Variants in GRID1 observed in about 807,000 individuals in gnomAD.
GRID1 encodes glutamate ionotropic receptor delta type subunit 1.
Under a neutral mutation model 98.0 loss-of-function variants are expected in GRID1, and 28 were observed. The observed-to-expected ratio is 0.29, with a 90% confidence interval of 0.21 to 0.39. GRID1 has a LOEUF of 0.39. Among genes scored for constraint, GRID1 ranks in the 10% least tolerant of loss-of-function variants. The pLI is 1.00. For synonymous variants in GRID1, 553 were observed against 538.5 expected, an observed-to-expected ratio of 1.03 and a Z score of -0.37; for missense variants, 1,111 against 1,340.5, an observed-to-expected ratio of 0.83 and a Z score of 2.67.
At chr10:86,199,652 C>G (rs1845920751) in intron 3 of GRID1, among the ~76,000 whole-genome samples, 1 of 152,154 alleles carries the variant, frequency 6.6e-6, no homozygotes, top group South Asian at 2.1e-4. Context: ...GGGCACCCAG[C>G]ATGAAGCAAG....
intron 5 of GRID1, among the ~76,000 whole-genome samples, chr10:85,897,516 C>A (rs1311789217): frequency 6.6e-5 from 10 of 152,320 alleles, no homozygotes; most frequent in Admixed American, 6.5e-4. Flanking sequence ...TGGGGTCTCT[C>A]ATGCTCGGAA....
intron 3 of GRID1, among the ~76,000 whole-genome samples, chr10:86,148,083 A>G (rs1589387982): frequency 6.6e-6 from 1 of 152,366 alleles, no homozygotes; most frequent in South Asian, 2.1e-4. Flanking sequence ...ATCTGCAAGT[A>G]TAACAAACAG....
At chr10:86,312,571 G>T (rs1200078877) in intron 2 of GRID1, among the ~76,000 whole-genome samples, 1 of 152,266 alleles carries the variant, frequency 6.6e-6, no homozygotes, top group Non-Finnish European at 1.5e-5. Context: ...ATAGGAAGCA[G>T]TGGGTGCCAT....
intron 4 of GRID1, among the ~76,000 whole-genome samples, chr10:86,104,888 G>A (rs1347957253): frequency 2.6e-5 from 4 of 152,206 alleles, no homozygotes; most frequent in Non-Finnish European, 5.9e-5. Context: ...GCGGACAGGG[G>A]GGCAAAAGGT....
chr10:85,865,966 GA>G (rs1843216511), intron 6 of GRID1, among the ~76,000 whole-genome samples: 1 of 82,574 alleles, frequency 1.2e-5, no homozygotes, highest in African/African-American at 6.1e-5. Flanking sequence ...GAGAGAGAGA[GA>G]GAGAGAGAGA....
chr10:86,063,226 G>T (rs538182580), intron 4 of GRID1, among the ~76,000 whole-genome samples: 1 of 152,344 alleles, frequency 6.6e-6, no homozygotes, highest in African/African-American at 2.4e-5. Flanking sequence ...CCATATGCTT[G>T]TGCTCAGGTG....
At chr10:86,042,101 AG>A (rs371042749) in intron 4 of GRID1, among the ~76,000 whole-genome samples, 17 of 152,170 alleles carry the variant, frequency 1.1e-4, no homozygotes, top group Non-Finnish European at 2.1e-4. Flanking sequence ...TCGCCATGCA[AG>A]GGGGAAACTG....
chr10:86,099,155 G>A (rs148707542), intron 4 of GRID1, among the ~76,000 whole-genome samples: 1,809 of 152,216 alleles, frequency 0.012, 45 homozygotes, highest in African/African-American at 0.04. Flanking sequence ...CAATTTCAGG[G>A]GACAAGGTAG....
At position 85,662,663 on chromosome 10, in the gene GRID1, A is replaced by C. The variant is rs140155612; in HGVS notation, c.1998-15266T>G. Among the ~76,000 whole-genome samples the C allele has an allele frequency of 8.5e-3, 1,292 of 152,312 alleles. 18 individuals carry two copies. Among genetic ancestry groups the C allele is most frequent in the African/African-American group, 0.028 (1,166 of 41,556 alleles). On this transcript the variant is annotated intron_variant, in intron 12 of 15. Coordinates refer to ENST00000327946, the MANE Select transcript of GRID1 (RefSeq NM_017551.3). ...CCCCCATGCCTGAACTGAGCCTTGTATGACATTTTTCCTGATGCCAGGGCC... is the reference window on the plus strand; with the variant it reads ...CCCCCATGCCTGAACTGAGCCTTGTCTGACATTTTTCCTGATGCCAGGGCC...
chr10:85,737,609 C>T (rs182561991), intron 8 of GRID1, among the ~76,000 whole-genome samples: 11 of 121,204 alleles, frequency 9.1e-5, no homozygotes, highest in African/African-American at 1.9e-4. Flanking sequence ...TAGAAAGGAG[C>T]GAGAGGATTT....
intron 8 of GRID1, among the ~76,000 whole-genome samples, chr10:85,781,531 G>A (rs1432594099): frequency 3.3e-5 from 5 of 152,156 alleles, no homozygotes; most frequent in Admixed American, 2.0e-4. Context: ...AGTTGCAAAC[G>A]TGGTGGTTGA....
At chr10:86,287,977 C>T (rs917023215) in intron 2 of GRID1, among the ~76,000 whole-genome samples, 38 of 152,102 alleles carry the variant, frequency 2.5e-4, no homozygotes, top group African/African-American at 8.7e-4. Flanking sequence ...GCAGGCCTAG[C>T]ACCACCCTTC....
At chr10:85,999,791 T>A (rs550578275) in intron 4 of GRID1, among the ~76,000 whole-genome samples, 1 of 152,324 alleles carries the variant, frequency 6.6e-6, no homozygotes, top group Non-Finnish European at 1.5e-5. Flanking sequence ...TAAAAACTCC[T>A]TGCAAACCAA....
Position 86,366,334 on chromosome 10 carries a change from G to A in GRID1, c.59C>T (p.Ala20Val). 6.6e-7 allele frequency: 1 copy of A among 1,514,020 alleles called. No homozygotes were observed. Among genetic ancestry groups the A allele is most frequent in the Middle Eastern group, 1.8e-4 (1 of 5,496 alleles). The allele number at this position is 1,514,020 out of a possible 1,614,324, so 93.8% of individuals were successfully genotyped here. ...PWICQCVSVR[A>V]DSIIHIGAIF... ...CTTACCGATGTGGATGATGGAGTCG[G>A]CCCGCACCGACACGCACTGGCATAT... The change falls in exon 1 of 16, where the codon GCC (alanine) becomes GTC (valine). Residue 20 changes from alanine to valine, a missense_variant. Physicochemically the swap from Ala to Val is moderately conservative, Grantham distance 64. This residue lies in a region of GRID1 where 346 missense variants were observed against 452.3 expected (regional missense o/e 0.76). Coordinates refer to ENST00000327946, the MANE Select transcript of GRID1 (RefSeq NM_017551.3). This position sits in a 1 kb window ranked among gnomAD's most constrained non-coding sequence, Gnocchi z 4.1.
intron 15 of GRID1, among the ~76,000 whole-genome samples, chr10:85,608,312 T>A (rs1274947538): frequency 6.6e-6 from 1 of 152,148 alleles, no homozygotes; most frequent in African/African-American, 2.4e-5. Context: ...GCAGTCCAGA[T>A]CTCCCTAATA....
intron 8 of GRID1, among the ~76,000 whole-genome samples, chr10:85,786,378 A>G (rs1307672487): frequency 6.6e-6 from 1 of 152,200 alleles, no homozygotes; most frequent in African/African-American, 2.4e-5. Flanking sequence ...TGGCTCTAGG[A>G]TTCAAGATAA....
intron 8 of GRID1, among the ~76,000 whole-genome samples, chr10:85,816,588 A>C (rs1842717860): frequency 1.3e-5 from 2 of 152,244 alleles, no homozygotes; most frequent in Non-Finnish European, 2.9e-5. Context: ...ACTATTCCAC[A>C]TGTTACCATG....
intron 2 of GRID1, among the ~76,000 whole-genome samples, chr10:86,256,449 A>T (rs1846918959): frequency 1.3e-5 from 2 of 152,204 alleles, no homozygotes; most frequent in Non-Finnish European, 2.9e-5. Context: ...TGGGTGACAG[A>T]GTGAGACCCT....
intron 4 of GRID1, among the ~76,000 whole-genome samples, chr10:85,973,406 C>A (rs565424181): frequency 2.0e-5 from 3 of 152,240 alleles, no homozygotes; most frequent in South Asian, 2.1e-4. Context: ...ATTCTTCCAA[C>A]ATCCTTCATT....
Sources: gnomAD v4.1 joint callset for allele counts (sites outside exome capture counted in the v4.1 genomes callset) on GRCh38, gnomAD v4.1.1 for gene constraint, gnomAD v4.1.1 regional missense constraint, Gnocchi (gnomAD v3.1) non-coding constraint, MANE v1.5 for transcripts, NCBI Gene and HGNC (gene_info 2026-07-23, HGNC 2026-07-21) for gene names.